Variants in FAT3 observed in about 807,000 individuals in gnomAD.
The protein encoded by FAT3 is FAT atypical cadherin 3.
A neutral mutation model predicts 310.2 loss-of-function variants in FAT3; 95 were observed. That is an observed-to-expected ratio of 0.31 (90% confidence interval 0.26 to 0.36). FAT3 has a LOEUF of 0.36. Among genes scored for constraint, FAT3 ranks in the 10% least tolerant of loss-of-function variants. The probability of loss-of-function intolerance (pLI) is 1.00; values close to 1 mark genes in which losing one functional copy is unlikely to be tolerated. For synonymous variants in FAT3, 2,314 were observed against 2,192.9 expected, an observed-to-expected ratio of 1.06 and a Z score of -1.54; for missense variants, 5,408 against 5,715.6, an observed-to-expected ratio of 0.95 and a Z score of 1.74.
intron 3 of FAT3, among the ~76,000 whole-genome samples, chr11:92,640,151 C>T (rs1004587774): frequency 7.2e-5 from 11 of 151,920 alleles, no homozygotes; most frequent in Middle Eastern, 3.2e-3. Context: ...ACATCAGGGT[C>T]CTCTAACTGA....
intron 3 of FAT3, among the ~76,000 whole-genome samples, chr11:92,687,583 C>G (rs962424506): frequency 6.6e-6 from 1 of 152,128 alleles, no homozygotes; most frequent in African/African-American, 2.4e-5. Context: ...TGTAGTGATT[C>G]TTATATGTGT....
In FAT3 at chr11:92,352,130, A is replaced by G. The variant is rs764236992; in HGVS notation, c.18A>G (p.Gly6=). 7.4e-7 allele frequency: 1 copy of G among 1,354,760 alleles called. No homozygotes were observed. Among genetic ancestry groups the G allele is most frequent in the African/African-American group, 1.5e-5 (1 of 67,212 alleles). The allele number at this position is 1,354,760 out of a possible 1,614,324, so 83.9% of individuals were successfully genotyped here. A position where few individuals can be genotyped will look rare whatever the true frequency, so the allele number is the denominator to read the frequency against. MDIIM[G]HCVGTRPPAC... ...ATGATGTGATGGATATAATTATGGG[A>G]CACTGTGTGGGCACACGGCCTCCTG... is the stretch of plus-strand genomic sequence containing the variant. Residue 6 remains glycine (G), a synonymous_variant, in exon 2 of 28, where the codon GGA becomes GGG. Coordinates refer to ENST00000525166, the MANE Select transcript of FAT3 (RefSeq NM_001367949.2).
chr11:92,836,474 C>G, intron 15 of FAT3, 92 bp from the exon 16 acceptor site: 2 of 1,446,852 alleles, frequency 1.4e-6, no homozygotes, highest in Non-Finnish European at 1.9e-6. Flanking sequence ...ACTGTCACAG[C>G]TGCACCCATT....
chr11:92,521,362 C>T (rs943095166), intron 2 of FAT3, among the ~76,000 whole-genome samples: 2 of 152,150 alleles, frequency 1.3e-5, no homozygotes, highest in African/African-American at 4.8e-5. Context: ...GTGAGAATGG[C>T]ACATGACCAG....
intron 3 of FAT3, among the ~76,000 whole-genome samples, chr11:92,621,583 A>G (rs535512115): frequency 6.6e-6 from 1 of 152,284 alleles, no homozygotes; most frequent in East Asian, 1.9e-4. Flanking sequence ...TGCTGCTGCA[A>G]CATCACTAGG....
At chr11:92,346,068 C>T (rs1251614570) in intron 1 of FAT3, among the ~76,000 whole-genome samples, 3 of 152,100 alleles carry the variant, frequency 2.0e-5, no homozygotes, top group Non-Finnish European at 4.4e-5. Context: ...CACATCAAAC[C>T]CTTTTTCTTC....
intron 1 of FAT3, among the ~76,000 whole-genome samples, chr11:92,255,864 G>A (rs1283277185): frequency 1.3e-5 from 2 of 152,128 alleles, no homozygotes; most frequent in Non-Finnish European, 2.9e-5. Flanking sequence ...GTTGCGAATA[G>A]GTAACAGGGC....
intron 2 of FAT3, among the ~76,000 whole-genome samples, chr11:92,378,073 T>G (rs1949394909): frequency 6.6e-6 from 1 of 152,240 alleles, no homozygotes; most frequent in African/African-American, 2.4e-5. Flanking sequence ...TGTCAAAAAT[T>G]ACAGTAGCTT....
At position 92,831,800 on chromosome 11, in the gene FAT3, T is replaced by C. The variant is rs1257820742; in HGVS notation, c.9660T>C (p.Thr3220=). Residue 3220 remains threonine (T), a synonymous_variant, in exon 14 of 28, where the codon ACT becomes ACC. Transcript: ENST00000525166. ...CTGGACAGTCCCTGTCCTCTCTCAC[T>C]ACTGTCACCATCACCGTTCTGGACA... The part of the protein sequence containing the change: ...QSPGQSLSSL[T]TVTITVLDIN... 6.2e-7 allele frequency: 1 copy of C among 1,613,632 alleles called. No individual in the cohort carries two copies. The highest frequency in any genetic ancestry group is 2.2e-5 in the East Asian group (1 of 44,850).
intron 2 of FAT3, among the ~76,000 whole-genome samples, chr11:92,449,754 T>A (rs1331525686): frequency 2.0e-5 from 3 of 152,066 alleles, no homozygotes; most frequent in African/African-American, 7.2e-5. Flanking sequence ...ATTGAAAAAA[T>A]TGGAATTATG....
At chr11:92,348,877 A>G (rs1948485428) in intron 1 of FAT3, among the ~76,000 whole-genome samples, 1 of 152,172 alleles carries the variant, frequency 6.6e-6, no homozygotes, top group African/African-American at 2.4e-5. Flanking sequence ...TATTAAAGGC[A>G]TCTGGGCCTC....
chr11:92,412,732 T>TATATATATACACACAC (rs1565296342), intron 2 of FAT3, among the ~76,000 whole-genome samples: 18 of 17,952 alleles, frequency 1.0e-3, no homozygotes, highest in Non-Finnish European at 2.5e-3. Flanking sequence ...TATATATATA[T>TATATATATACACACAC]ATATATATAT....
intron 4 of FAT3, among the ~76,000 whole-genome samples, chr11:92,733,541 G>A (rs567312017): frequency 7.9e-5 from 12 of 152,234 alleles, no homozygotes; most frequent in African/African-American, 2.9e-4. Flanking sequence ...TAGAGCAATC[G>A]AAGCATACAT....
chr11:92,559,299 C>A (rs2135463304), intron 3 of FAT3: 1 of 191,052 alleles, frequency 5.2e-6, no homozygotes. Flanking sequence ...CTTTAGCTCT[C>A]TTATGCCCTG....
chr11:92,288,380 C>T (rs1168805727), intron 1 of FAT3, among the ~76,000 whole-genome samples: 9 of 152,102 alleles, frequency 5.9e-5, no homozygotes, highest in Non-Finnish European at 1.0e-4. Flanking sequence ...TACAGCATTG[C>T]ACCAGTAGTC....
chr11:92,586,667 A>C (rs571365822), intron 3 of FAT3, among the ~76,000 whole-genome samples: 70 of 152,138 alleles, frequency 4.6e-4, no homozygotes, highest in African/African-American at 1.6e-3. Flanking sequence ...AATTCAGCCA[A>C]ATACCCAGAA....
At chr11:92,555,670 T>C (rs1954992084) in intron 3 of FAT3, among the ~76,000 whole-genome samples, 3 of 152,302 alleles carry the variant, frequency 2.0e-5, no homozygotes, top group African/African-American at 7.2e-5. Flanking sequence ...CAGTGGCCTG[T>C]GTTGACTAAT....
At chr11:92,605,379 A>G (rs1464572304) in intron 3 of FAT3, among the ~76,000 whole-genome samples, 2 of 152,212 alleles carry the variant, frequency 1.3e-5, no homozygotes, top group South Asian at 2.1e-4. Context: ...GATGGGGCCA[A>G]TGGGCATTTA....
intron 12 of FAT3, among the ~76,000 whole-genome samples, chr11:92,808,725 A>C (rs1947578615): frequency 6.6e-6 from 1 of 152,100 alleles, no homozygotes; most frequent in Non-Finnish European, 1.5e-5. Flanking sequence ...GGAGATCAAG[A>C]CCATCCTGGT....
Sources: allele counts gnomAD v4.1 joint callset (sites outside exome capture counted in the v4.1 genomes callset), GRCh38; gene constraint gnomAD v4.1.1; transcripts MANE v1.5; gene names NCBI Gene and HGNC (gene_info 2026-07-23, HGNC 2026-07-21).